The following CELF4 variants were observed in gnomAD, a reference collection of about 807,000 sequenced individuals.
CELF4 encodes the protein CUG-BP- and ETR-3-like factor 4.
A neutral mutation model predicts 59.9 loss-of-function variants in CELF4; 18 were observed. The ratio of observed to expected loss-of-function variants is 0.30; its 90% CI spans 0.21 to 0.45. The LOEUF is 0.45. Ranked by LOEUF, CELF4 falls within the 20% of genes least tolerant of loss-of-function variation. CELF4 has a pLI of 1.00. For missense variants in CELF4, 456 were observed against 689.0 expected, an observed-to-expected ratio of 0.66 and a Z score of 3.79; for synonymous variants, 261 against 267.1, an observed-to-expected ratio of 0.98 and a Z score of 0.22.
At chr18:37,357,854 G>A (rs953100927) in intron 2 of CELF4, among the ~76,000 whole-genome samples, 1 of 152,156 alleles carries the variant, frequency 6.6e-6, no homozygotes, top group Non-Finnish European at 1.5e-5. Context: ...ACTGGATTTC[G>A]GACTTGTGTG....
At chr18:37,411,709 C>T (rs1007072441) in intron 2 of CELF4, among the ~76,000 whole-genome samples, 3 of 152,196 alleles carry the variant, frequency 2.0e-5, no homozygotes, top group African/African-American at 7.2e-5. Flanking sequence ...CAGGGCTCTC[C>T]CCAGGCTTCA....
At chr18:37,432,413 C>T (rs186135243) in intron 2 of CELF4, among the ~76,000 whole-genome samples, 5 of 152,264 alleles carry the variant, frequency 3.3e-5, no homozygotes, top group African/African-American at 1.2e-4. Flanking sequence ...TTTGAAAAGA[C>T]CAAATTAGAG....
chr18:37,353,331 G>C (rs1357059959), intron 2 of CELF4, among the ~76,000 whole-genome samples: 6 of 151,586 alleles, frequency 4.0e-5, no homozygotes. Context: ...AAACTTTCCA[G>C]TGAGGCCAGA....
At chr18:37,334,127 C>A (rs761123216) in intron 2 of CELF4, among the ~76,000 whole-genome samples, 2 of 152,156 alleles carry the variant, frequency 1.3e-5, no homozygotes, top group Non-Finnish European at 2.9e-5. Context: ...TAGGCTCCCT[C>A]CTGCATGGGG....
At chr18:37,481,591 A>G (rs1347816084) in intron 2 of CELF4, among the ~76,000 whole-genome samples, 1 of 152,220 alleles carries the variant, frequency 6.6e-6, no homozygotes, top group Non-Finnish European at 1.5e-5. Flanking sequence ...GTGCACACTC[A>G]GGCCCCAGGT....
At chr18:37,412,240 A>C (rs954390715) in intron 2 of CELF4, among the ~76,000 whole-genome samples, 12 of 152,218 alleles carry the variant, frequency 7.9e-5, no homozygotes, top group African/African-American at 2.7e-4. Context: ...AGAGACGGAG[A>C]CTGCTTATGG....
chr18:37,435,002 CAGG>C (rs1419245313), intron 2 of CELF4, among the ~76,000 whole-genome samples: 1 of 152,102 alleles, frequency 6.6e-6, no homozygotes, highest in Non-Finnish European at 1.5e-5. Flanking sequence ...GGCAAGTCCA[CAGG>C]AGGGGGGGAT....
intron 2 of CELF4, among the ~76,000 whole-genome samples, chr18:37,393,241 T>C (rs1375593035): frequency 6.6e-6 from 1 of 152,130 alleles, no homozygotes; most frequent in African/African-American, 2.4e-5. Context: ...CAGCTTGGCC[T>C]GGCACCCAGT....
Position 37,253,784 on chromosome 18 carries a change from T to C in CELF4, c.*27A>G. 1 of 1,579,028 alleles carries C rather than the reference T, an allele frequency of 6.3e-7. No individual in the cohort carries two copies. The highest frequency in any genetic ancestry group is 8.6e-7 in the Non-Finnish European group (1 of 1,161,836). On this transcript the variant is annotated 3_prime_UTR_variant, in exon 12 of 13. Transcript: ENST00000420428. The surrounding 1 kb of genome is among the most constrained non-coding windows in gnomAD (Gnocchi z 4.5). ...CCGGTTACCTGTGCGAGTCCTGGTCTCCCCCGGGGGACGCTCCCGCCGGCG... is the reference window on the plus strand; with the variant it reads ...CCGGTTACCTGTGCGAGTCCTGGTCCCCCCCGGGGGACGCTCCCGCCGGCG...
At chr18:37,398,733 G>A (rs901720501) in intron 2 of CELF4, among the ~76,000 whole-genome samples, 2 of 152,170 alleles carry the variant, frequency 1.3e-5, no homozygotes, top group Non-Finnish European at 2.9e-5. Flanking sequence ...TGGGGGTTCC[G>A]GAGAGTGGTG....
intron 2 of CELF4, among the ~76,000 whole-genome samples, chr18:37,325,250 C>T (rs2097265932): frequency 6.6e-6 from 1 of 152,154 alleles, no homozygotes; most frequent in African/African-American, 2.4e-5. Flanking sequence ...GGGCCTCATC[C>T]TGTGTGGGAG....
chr18:37,246,468 A>G lies in CELF4; in HGVS notation c.*45-1271T>C, dbSNP rs1374958076. Among the ~76,000 whole-genome samples, 2 of 152,124 alleles carry G rather than the reference A, an allele frequency of 1.3e-5. No homozygotes were observed. The highest frequency in any genetic ancestry group is 4.8e-5 in the African/African-American group (2 of 41,436). ...ATTTAATTTAGCAGAAGTGGTTACA[A>G]TACAAACCTTACAATTGTTACCGGG... On this transcript the variant is annotated intron_variant, in intron 12 of 12. Transcript: ENST00000420428. The surrounding 1 kb of genome is among the most constrained non-coding windows in gnomAD (Gnocchi z 5.3).
Position 37,565,752 on chromosome 18 carries a change from C to G in CELF4, c.-111G>C. On this transcript the variant is annotated 5_prime_UTR_variant, in exon 1 of 13. Coordinates refer to ENST00000420428, the MANE Select transcript of CELF4 (RefSeq NM_020180.4). ...GCATACACACACTCGGGTTCTCTCC[C>G]CCTCGGTTTCTCTACACCTCGCTCT... 6 of 838,062 alleles carry G rather than the reference C, an allele frequency of 7.2e-6. No homozygotes were observed. Among genetic ancestry groups the G allele is most frequent in the Non-Finnish European group, 1.0e-5 (6 of 576,776 alleles). The allele number at this position is 838,062 out of a possible 1,614,324, so 51.9% of individuals were successfully genotyped here.
chr18:37,555,074 C>A (rs1355717291), intron 1 of CELF4, among the ~76,000 whole-genome samples: 4 of 152,162 alleles, frequency 2.6e-5, no homozygotes. Flanking sequence ...TCCTTTCCTC[C>A]TGGGATACCC....
At chr18:37,539,309 A>T (rs189490955) in intron 1 of CELF4, among the ~76,000 whole-genome samples, 1 of 152,314 alleles carries the variant, frequency 6.6e-6, no homozygotes, top group Admixed American at 6.5e-5. Flanking sequence ...AAGTTAAGCC[A>T]CTTGCCTAAG....
chr18:37,480,678 A>C lies in CELF4; in HGVS notation c.369+4847T>G, dbSNP rs1274942079. Among the ~76,000 whole-genome samples, 3 of 152,094 alleles carry C rather than the reference A, an allele frequency of 2.0e-5. No individual in the cohort carries two copies. The East Asian group carries it at 5.8e-4, about 29-fold the overall frequency. On this transcript the variant is annotated intron_variant, in intron 2 of 12. Coordinates refer to ENST00000420428, the MANE Select transcript of CELF4 (RefSeq NM_020180.4). ...CGTATGGTGATGGGGGCCCCACCAG[A>C]GCCTCCTGTGGATGTCAGGGTTGAG...
rs1436299957 is a variant in CELF4 at position 37,253,756 on chromosome 18, C to T, written c.*44+11G>A. On this transcript the variant is annotated intron_variant, in intron 12 of 12. Transcript: ENST00000420428. This position sits in a 1 kb window ranked among gnomAD's most constrained non-coding sequence, Gnocchi z 4.5. ...AACCCCCGTCCCCGCGCCCCGGCCG[C>T]CCCCGGTTACCTGTGCGAGTCCTGG... The T allele has an allele frequency of 1.3e-5, 20 of 1,550,454 alleles. No homozygotes were observed. Among genetic ancestry groups the T allele is most frequent in the Non-Finnish European group, 1.7e-5 (19 of 1,144,818 alleles).
rs190362292 is a variant in CELF4 at position 37,399,224 on chromosome 18, G to A, written c.370-77343C>T. ...ATATTAAGGGATGGGACATTTAAGA[G>A]GTGATTAGGTCATGAGGGGTCTGTC... On this transcript the variant is annotated intron_variant, in intron 2 of 12. Coordinates refer to ENST00000420428, the MANE Select transcript of CELF4 (RefSeq NM_020180.4). Among the ~76,000 whole-genome samples, 6 of 152,264 alleles carry A rather than the reference G, an allele frequency of 3.9e-5. No individual in the cohort carries two copies. The East Asian group carries it at 1.2e-3, about 29-fold the overall frequency.
At chr18:37,457,488 T>G (rs974714605) in intron 2 of CELF4, among the ~76,000 whole-genome samples, 4 of 151,978 alleles carry the variant, frequency 2.6e-5, no homozygotes, top group African/African-American at 9.7e-5. Flanking sequence ...CCAACCCACT[T>G]CCCAGGCAGC....
Sources: allele counts gnomAD v4.1 joint callset (sites outside exome capture counted in the v4.1 genomes callset), GRCh38; gene constraint gnomAD v4.1.1; non-coding constraint Gnocchi (gnomAD v3.1); transcripts MANE v1.5; gene names NCBI Gene and HGNC (gene_info 2026-07-23, HGNC 2026-07-21).